Variants in UBR2 observed in about 807,000 individuals in gnomAD.
UBR2 encodes E3 ubiquitin-protein ligase UBR2.
A neutral mutation model predicts 247.9 loss-of-function variants in UBR2; 92 were observed. The observed-to-expected ratio is 0.37, with a 90% CI of 0.31 to 0.44. The LOEUF (loss-of-function observed/expected upper bound fraction) is 0.44. Among genes scored for constraint, UBR2 ranks in the 20% least tolerant of loss-of-function variants. The pLI is 1.00. For missense variants in UBR2, 1,613 were observed against 2,112.6 expected, an observed-to-expected ratio of 0.76 and a Z score of 4.64; for synonymous variants, 672 against 693.5, an observed-to-expected ratio of 0.97 and a Z score of 0.49.
chr6:42,688,220 C>T lies in UBR2; in HGVS notation c.4858C>T (p.Pro1620Ser). The change falls in exon 45 of 47, where the codon CCG becomes TCG. Residue 1620 changes from proline (P) to serine (S), a missense_variant. Pro to Ser is a moderately conservative substitution (Grantham distance 74). Coordinates refer to ENST00000372901, the MANE Select transcript of UBR2 (RefSeq NM_001363705.2). ...TGGGTTTTTTATCCCTTGGAGGTGC[C>T]CGAAATCAGGTGGTGATAAGAGCAG... ...LINQASNFSC[P>S]KSGGDKSRAP... The T allele has an allele frequency of 1.2e-6, 2 of 1,614,094 alleles. No individual in the cohort carries two copies. Among genetic ancestry groups the T allele is most frequent in the Non-Finnish European group, 1.7e-6 (2 of 1,180,028 alleles).
At chr6:42,664,096 C>T (rs1797975388) in intron 32 of UBR2, 1 of 152,160 alleles carries the variant, frequency 6.6e-6, no homozygotes, top group African/African-American at 2.4e-5. Context: ...CTGCAGTGAG[C>T]TTTGATCATG....
At position 42,652,662 on chromosome 6, in the gene UBR2, T is replaced by C; in HGVS notation, c.2769+17T>C. On this transcript the variant is annotated intron_variant, in intron 25 of 46. Coordinates refer to ENST00000372901, the MANE Select transcript of UBR2 (RefSeq NM_001363705.2). The stretch of plus-strand genomic sequence containing the variant: ...CTGCAAAGGGTAGGTTTGAAGACAT[T>C]TATTATTTATATTTTAGTATTTTAT... The C allele has an allele frequency of 6.3e-7, 1 of 1,596,102 alleles. No homozygotes were observed. The highest frequency in any genetic ancestry group is 8.5e-7 in the Non-Finnish European group (1 of 1,175,086).
chr6:42,619,412 C>CAT lies in UBR2; in HGVS notation c.1281+1946_1281+1947dup, dbSNP rs1194148203. ...AACTTCATAGTTCTCTCGTTATGAA[C>CAT]ATATATATATATATATATATATATA... On this transcript the variant is annotated intron_variant, in intron 11 of 46. Coordinates refer to ENST00000372901, the MANE Select transcript of UBR2 (RefSeq NM_001363705.2). The CAT allele has an allele frequency of 6.4e-3, 183 of 28,402 alleles. 6 individuals are homozygous for CAT. The highest frequency in any genetic ancestry group is 0.014 in the South Asian group (7 of 502). 1.8% of individuals were successfully genotyped at this position (28,402 alleles called of 1,614,324 possible).
intron 11 of UBR2, among the ~76,000 whole-genome samples, chr6:42,626,016 A>G (rs571456361): frequency 4.0e-5 from 6 of 151,250 alleles, no homozygotes; most frequent in Non-Finnish European, 7.4e-5. Context: ...GGGTTTCACC[A>G]TGTTAGCCAG....
rs185801329 is a variant in UBR2, at chr6:42,662,032, G to C, written c.3443-152G>C. 3.2e-3 allele frequency: 1,689 copies of C among 529,108 alleles called. 6 individuals carry two copies. Among genetic ancestry groups the C allele is most frequent in the Non-Finnish European group, 3.2e-3 (964 of 300,934 alleles). The allele number at this position is 529,108 out of a possible 1,614,324, so 32.8% of individuals were successfully genotyped here. A position where few individuals can be genotyped will look rare whatever the true frequency, so the allele number is the denominator to read the frequency against. ...TCCTACTTTCTAAATAATCCAAGGTGTTGCATAAATTGGTATCTCAGAGGA... is the reference window on the plus strand; with the variant it reads ...TCCTACTTTCTAAATAATCCAAGGTCTTGCATAAATTGGTATCTCAGAGGA... On this transcript the variant is annotated intron_variant, in intron 30 of 46. Coordinates refer to ENST00000372901, the MANE Select transcript of UBR2 (RefSeq NM_001363705.2).
chr6:42,670,824 C>A, intron 36 of UBR2, 109 bp downstream of exon 36: 3 of 783,014 alleles, frequency 3.8e-6, no homozygotes, highest in Non-Finnish European at 6.0e-6. Flanking sequence ...TCACTTCTTT[C>A]GTAGTAAAAA....
At chr6:42,564,712 C>T (rs1244657188) in intron 1 of UBR2, among the ~76,000 whole-genome samples, 2 of 152,242 alleles carry the variant, frequency 1.3e-5, no homozygotes, top group Non-Finnish European at 1.5e-5. Flanking sequence ...GGGCCTTTGC[C>T]CTTTATATCA....
chr6:42,619,443 A>ATTTTTTTTTTTT (rs1378166581), intron 11 of UBR2: 1 of 29,330 alleles, frequency 3.4e-5, no homozygotes, highest in African/African-American at 1.1e-4. Context: ...ATATATATAT[A>ATTTTTTTTTTTT]TATATATATA....
chr6:42,599,150 G>A (rs1023135457), intron 4 of UBR2, among the ~76,000 whole-genome samples: 17 of 152,198 alleles, frequency 1.1e-4, no homozygotes, highest in African/African-American at 3.9e-4. Flanking sequence ...CCTAAGTGAA[G>A]ATTTTTGTAA....
chr6:42,680,990 C>T (rs761778186), intron 42 of UBR2, among the ~76,000 whole-genome samples: 1 of 151,936 alleles, frequency 6.6e-6, no homozygotes, highest in Non-Finnish European at 1.5e-5. Context: ...GATGAAACCC[C>T]GTCTCTACTA....
At position 42,606,586 on chromosome 6, in the gene UBR2, C is replaced by T; in HGVS notation, c.802-3C>T. The T allele has an allele frequency of 1.2e-6, 2 of 1,609,250 alleles. No homozygotes were observed. The highest frequency in any genetic ancestry group is 1.1e-5 in the South Asian group (1 of 90,002). On this transcript the variant is annotated splice_region_variant and splice_polypyrimidine_tract_variant and intron_variant, in intron 6 of 46. Coordinates refer to ENST00000372901, the MANE Select transcript of UBR2 (RefSeq NM_001363705.2). ...TACAGCTTAATTTTAAATATCTTTACAGGGGCGTAGGTCTGTTCGATATGG... is the reference window on the plus strand; with the variant it reads ...TACAGCTTAATTTTAAATATCTTTATAGGGGCGTAGGTCTGTTCGATATGG...
intron 24 of UBR2, 137 bp from the exon 25 acceptor site, chr6:42,652,354 C>A: frequency 9.1e-7 from 1 of 1,095,930 alleles, no homozygotes; most frequent in Non-Finnish European, 1.3e-6. Flanking sequence ...ATGCATTTGA[C>A]CTTGAGAATG....
intron 2 of UBR2, among the ~76,000 whole-genome samples, chr6:42,585,280 A>T (rs1277811786): frequency 6.6e-6 from 1 of 151,948 alleles, no homozygotes; most frequent in Non-Finnish European, 1.5e-5. Context: ...TTATTACTGG[A>T]TGAATCCGGC....
intron 32 of UBR2, among the ~76,000 whole-genome samples, chr6:42,664,813 T>C (rs1352821488): frequency 2.0e-5 from 3 of 152,214 alleles, no homozygotes; most frequent in African/African-American, 7.2e-5. Context: ...GATTCAATTA[T>C]GGTTTAGTCA....
At position 42,691,746 on chromosome 6, in the gene UBR2, C is replaced by A. The variant is rs1188905443; in HGVS notation, c.*573C>A. On this transcript the variant is annotated 3_prime_UTR_variant, in exon 47 of 47. Coordinates refer to ENST00000372901, the MANE Select transcript of UBR2 (RefSeq NM_001363705.2). ...GAAGCCCGTGGGGAGAAGGTGGATT[C>A]CTGGTGTGCTGGCTGGTTTTTCAGG... The A allele has an allele frequency of 3.3e-5, 5 of 150,580 alleles. No individual in the cohort carries two copies. Among genetic ancestry groups the A allele is most frequent in the African/African-American group, 1.2e-4 (5 of 40,910 alleles). The allele number at this position is 150,580 out of a possible 1,614,324, so 9.3% of individuals were successfully genotyped here. A position where few individuals can be genotyped will look rare whatever the true frequency, so the allele number is the denominator to read the frequency against.
At position 42,564,210 on chromosome 6, in the gene UBR2, G is replaced by T; in HGVS notation, c.-110G>T. 8.0e-7 allele frequency: 1 copy of T among 1,253,946 alleles called. No individual in the cohort carries two copies. The highest frequency in any genetic ancestry group is 1.1e-6 in the Non-Finnish European group (1 of 902,874). 77.7% of individuals were successfully genotyped at this position (1,253,946 alleles called of 1,614,324 possible). The stretch of plus-strand genomic sequence containing the variant: ...TTGCTCCACCTGCAGCCACTTGGAC[G>T]GCTCCGGGACTGATTGCCTGGGGCA... On this transcript the variant is annotated 5_prime_UTR_variant, in exon 1 of 47. Transcript: ENST00000372901.
intron 18 of UBR2, among the ~76,000 whole-genome samples, chr6:42,643,144 C>G (rs1449827107): frequency 1.3e-5 from 2 of 152,152 alleles, no homozygotes; most frequent in African/African-American, 4.8e-5. Flanking sequence ...ACTCACAACC[C>G]TGGACTGTGA....
intron 8 of UBR2, 32 bp from the exon 9 acceptor site, chr6:42,615,039 C>T: frequency 6.4e-7 from 1 of 1,554,232 alleles, no homozygotes; most frequent in Admixed American, 1.8e-5. Context: ...TTTGAAGTTG[C>T]TATCTCATTC....
chr6:42,650,561 A>G (rs1277500929), intron 23 of UBR2, among the ~76,000 whole-genome samples, 175 bp downstream of exon 23: 1 of 152,214 alleles, frequency 6.6e-6, no homozygotes. Flanking sequence ...CCTCTTGAGT[A>G]GATGAGATTA....
Sources: gnomAD v4.1 joint callset for allele counts (sites outside exome capture counted in the v4.1 genomes callset) on GRCh38, gnomAD v4.1.1 for gene constraint, MANE v1.5 for transcripts, NCBI Gene and HGNC (gene_info 2026-07-23, HGNC 2026-07-21) for gene names.